DNAH7: variants seen among roughly 807,000 people sequenced by gnomAD.
DNAH7 encodes the protein dynein axonemal heavy chain 7.
DNAH7 carries 397 observed loss-of-function variants against 444.6 expected under a neutral mutation model. The observed-to-expected ratio is 0.89, with a 90% confidence interval of 0.82 to 0.97. DNAH7 has a LOEUF of 0.97. Among genes scored for constraint, DNAH7 ranks in the 50% least tolerant of loss-of-function variants. The probability of loss-of-function intolerance (pLI) is 0.00; values close to 1 mark genes in which losing one functional copy is unlikely to be tolerated. For missense variants in DNAH7, 4,902 were observed against 4,800.8 expected (o/e 1.02, Z -0.62); for synonymous variants, 1,636 against 1,624.4 (o/e 1.01, Z -0.17).
intron 33 of DNAH7, among the ~76,000 whole-genome samples, chr2:195,887,265 A>G (rs897112911): frequency 7.9e-5 from 12 of 152,206 alleles, no homozygotes; most frequent in Non-Finnish European, 1.6e-4. Context: ...AATGCTGGAA[A>G]AAAAACCCCA....
intron 7 of DNAH7, among the ~76,000 whole-genome samples, chr2:196,025,357 T>C (rs948714919): frequency 3.3e-5 from 5 of 152,196 alleles, no homozygotes; most frequent in Non-Finnish European, 7.3e-5. Flanking sequence ...GAAGCTCTAA[T>C]ATGCAAATCA....
chr2:195,996,428 C>CTTT (rs5837486), intron 12 of DNAH7, among the ~76,000 whole-genome samples: 1 of 144,598 alleles, frequency 6.9e-6, no homozygotes, highest in Non-Finnish European at 1.5e-5. Flanking sequence ...CCAACTTAAT[C>CTTT]TTTTTTTTTT....
intron 24 of DNAH7, among the ~76,000 whole-genome samples, chr2:195,914,102 A>G (rs542324315): frequency 2.0e-5 from 3 of 152,294 alleles, no homozygotes; most frequent in East Asian, 3.9e-4. Flanking sequence ...CTGGATTAAT[A>G]TATCTGTAGC....
intron 12 of DNAH7, among the ~76,000 whole-genome samples, chr2:195,988,699 C>A (rs1259981711): frequency 1.3e-5 from 2 of 151,356 alleles, no homozygotes; most frequent in African/African-American, 4.9e-5. Context: ...TACTCAAAAT[C>A]CTCCCTTCTA....
At chr2:195,834,068 G>C (rs4850642) in intron 48 of DNAH7, 138 bp downstream of exon 48, 1 of 818,342 alleles carries the variant, frequency 1.2e-6, no homozygotes, top group African/African-American at 1.7e-5. Flanking sequence ...TTAGCCAAGC[G>C]TGGGGGCATG....
chr2:195,876,625 T>G lies in DNAH7; in HGVS notation c.6036A>C (p.Ala2012=), dbSNP rs750277102. ...ACATGACAATATTCTGAGTTTGAGC[T>G]GCTGTAGTTTGTGCTGAGAAGTTAA... The part of the protein sequence containing the change: ...LLINFSAQTT[A]AQTQNIVMSK... Residue 2012 remains alanine (A), a synonymous_variant, in exon 37 of 65, where the codon GCA becomes GCC. Coordinates refer to ENST00000312428, the MANE Select transcript of DNAH7 (RefSeq NM_018897.3). 65 of 1,613,314 alleles carry G rather than the reference T, an allele frequency of 4.0e-5. No individual in the cohort carries two copies. The highest frequency in any genetic ancestry group is 5.5e-5 in the Non-Finnish European group (65 of 1,179,446).
intron 21 of DNAH7, among the ~76,000 whole-genome samples, chr2:195,928,789 AG>A (rs1220574781): frequency 6.6e-6 from 1 of 152,170 alleles, no homozygotes; most frequent in Non-Finnish European, 1.5e-5. Flanking sequence ...TTGAACATCT[AG>A]ATTCCAGTGA....
intron 18 of DNAH7, among the ~76,000 whole-genome samples, chr2:195,958,342 T>C (rs1354843444): frequency 1.3e-5 from 2 of 152,196 alleles, no homozygotes; most frequent in Admixed American, 6.5e-5. Flanking sequence ...CTTAATAACA[T>C]TTTCTTTTCT....
At chr2:195,888,116 TA>T in intron 33 of DNAH7, 141 bp downstream of exon 33, 1 of 676,366 alleles carries the variant, frequency 1.5e-6, no homozygotes, top group South Asian at 2.3e-5. Context: ...GCATGAATTC[TA>T]ATCTAAATTT....
intron 17 of DNAH7, among the ~76,000 whole-genome samples, chr2:195,963,324 C>T (rs988718432): frequency 1.3e-5 from 2 of 152,182 alleles, no homozygotes; most frequent in South Asian, 4.1e-4. Context: ...GACATGGTAT[C>T]TCATTGTAGT....
chr2:195,865,411 T>C (rs941056674), intron 40 of DNAH7, among the ~76,000 whole-genome samples: 2 of 152,192 alleles, frequency 1.3e-5, no homozygotes, highest in Non-Finnish European at 2.9e-5. Flanking sequence ...GTTTCCTTTT[T>C]CTAAGATAGA....
intron 61 of DNAH7, among the ~76,000 whole-genome samples, chr2:195,766,985 A>C (rs934896342): frequency 1.2e-4 from 19 of 152,030 alleles, no homozygotes; most frequent in African/African-American, 4.6e-4. Context: ...CACTTCTGTT[A>C]GTCTTAAAAT....
chr2:195,970,130 G>C, intron 16 of DNAH7, 36 bp from the exon 17 acceptor site: 3 of 1,557,360 alleles, frequency 1.9e-6, no homozygotes, highest in Non-Finnish European at 2.6e-6. Context: ...ATTCTTAAAA[G>C]TTAAAACCCC....
intron 1 of DNAH7, among the ~76,000 whole-genome samples, chr2:196,066,134 T>G (rs1354979473): frequency 1.3e-5 from 2 of 152,238 alleles, no homozygotes; most frequent in Non-Finnish European, 2.9e-5. Flanking sequence ...TTCACCTACT[T>G]GACTGCTGGA....
intron 28 of DNAH7, among the ~76,000 whole-genome samples, chr2:195,898,000 A>C (rs1269951937): frequency 6.6e-6 from 1 of 152,176 alleles, no homozygotes; most frequent in Non-Finnish European, 1.5e-5. Context: ...CTTTTCACAG[A>C]TATGCTAAGT....
At chr2:195,900,588 A>G (rs1686642746) in intron 27 of DNAH7, 94 bp from the exon 28 acceptor site, 1 of 1,190,424 alleles carries the variant, frequency 8.4e-7, no homozygotes, top group Non-Finnish European at 1.2e-6. Context: ...TAATATGTGG[A>G]GGCTAAAAAA....
intron 17 of DNAH7, among the ~76,000 whole-genome samples, chr2:195,968,742 TAG>T (rs1361759481): frequency 6.6e-6 from 1 of 152,200 alleles, no homozygotes; most frequent in Non-Finnish European, 1.5e-5. Flanking sequence ...TAAATTCACT[TAG>T]GACTCCAGAG....
Position 195,751,687 on chromosome 2 carries a change from T to C in DNAH7, c.11764+2650A>G, listed in dbSNP as rs537962233. On this transcript the variant is annotated intron_variant, in intron 63 of 64. Coordinates refer to ENST00000312428, the MANE Select transcript of DNAH7 (RefSeq NM_018897.3). ...AAAGAACATGAGCCGTTCTAGAAAC[T>C]GTCAGGAGGTTAGCGTGACCTGAGC... is the stretch of plus-strand genomic sequence containing the variant. Among the ~76,000 whole-genome samples the C allele has an allele frequency of 7.2e-5, 11 of 152,248 alleles. No homozygotes were observed. The South Asian group carries it at 2.1e-3, about 29-fold the overall frequency.
intron 5 of DNAH7, among the ~76,000 whole-genome samples, chr2:196,029,672 T>A (rs148277083): frequency 1.3e-5 from 2 of 152,076 alleles, no homozygotes; most frequent in Non-Finnish European, 2.9e-5. Flanking sequence ...GTCAGAGAGG[T>A]TTAAATAACC....
Sources: gnomAD v4.1 joint callset for allele counts (sites outside exome capture counted in the v4.1 genomes callset) on GRCh38, gnomAD v4.1.1 for gene constraint, MANE v1.5 for transcripts, NCBI Gene and HGNC (gene_info 2026-07-23, HGNC 2026-07-21) for gene names.